EXOC4: variants seen among roughly 807,000 people sequenced by gnomAD.
EXOC4 encodes the protein exocyst complex component 4.
A neutral mutation model predicts 107.2 loss-of-function variants in EXOC4; 71 were observed. The ratio of observed to expected loss-of-function variants is 0.66; its 90% CI spans 0.55 to 0.81. The LOEUF (loss-of-function observed/expected upper bound fraction) is 0.81, where lower values mean the gene tolerates loss of function less well. Among genes scored for constraint, EXOC4 ranks in the 30% least tolerant of loss-of-function variants. The pLI is 0.00. For synonymous variants in EXOC4, 456 were observed against 441.2 expected (o/e 1.03, Z -0.42); for missense variants, 1,108 against 1,189.6 (o/e 0.93, Z 1.01).
chr7:134,068,469 C>T (rs998209499), downstream of EXOC4, among the ~76,000 whole-genome samples: 4 of 152,162 alleles, frequency 2.6e-5, no homozygotes, highest in East Asian at 1.9e-4. Context: ...CTTCACCTTT[C>T]GCCATGATTG....
chr7:133,475,936 T>C (rs370847302), intron 8 of EXOC4, among the ~76,000 whole-genome samples: 2 of 152,158 alleles, frequency 1.3e-5, no homozygotes, highest in African/African-American at 2.4e-5. Flanking sequence ...TATCTAATTA[T>C]AACCTTAGTT....
intron 10 of EXOC4, among the ~76,000 whole-genome samples, chr7:133,713,443 A>G (rs1439440252): frequency 6.6e-6 from 1 of 152,170 alleles, no homozygotes; most frequent in Non-Finnish European, 1.5e-5. Context: ...TTGCTGTGCT[A>G]TAGGCATTAT....
chr7:133,575,355 C>T (rs980171556), intron 9 of EXOC4, among the ~76,000 whole-genome samples: 5 of 152,128 alleles, frequency 3.3e-5, no homozygotes, highest in African/African-American at 1.2e-4. Flanking sequence ...AGGCATAATC[C>T]ATCAAAAAGT....
At chr7:133,914,635 TAAA>T (rs61237053) in intron 12 of EXOC4, among the ~76,000 whole-genome samples, 64,767 of 149,428 alleles carry the variant, frequency 0.43, 14,375 homozygotes, top group South Asian at 0.62. Context: ...AAATAAAAAA[TAAA>T]AAAAAAGGAA....
intron 8 of EXOC4, among the ~76,000 whole-genome samples, chr7:133,477,904 C>T (rs1799057465): frequency 6.6e-6 from 1 of 152,182 alleles, no homozygotes; most frequent in Non-Finnish European, 1.5e-5. Context: ...AAGCAGATCT[C>T]AGTGGTTGTC....
chr7:133,388,424 C>A lies in EXOC4; in HGVS notation c.1182+13422C>A, dbSNP rs571161395. Among the ~76,000 whole-genome samples, 49 of 152,098 alleles carry A rather than the reference C, an allele frequency of 3.2e-4. 3 individuals carry two copies. Among genetic ancestry groups the A allele is most frequent in the African/African-American group, 1.2e-3 (49 of 41,508 alleles). On this transcript the variant is annotated intron_variant, in intron 7 of 17. Transcript: ENST00000253861. Reference sequence around the variant, plus strand: ...CAGCACTTTGGGAGGCCGGGGTGGGCAGATCACTTGAGGTCAGGAGTTCGA... The same window carrying A: ...CAGCACTTTGGGAGGCCGGGGTGGGAAGATCACTTGAGGTCAGGAGTTCGA...
At chr7:133,443,251 G>A (rs1422736375) in intron 7 of EXOC4, among the ~76,000 whole-genome samples, 1 of 152,090 alleles carries the variant, frequency 6.6e-6, no homozygotes, top group African/African-American at 2.4e-5. Context: ...ACACAGAAAT[G>A]TCCTTTTCAA....
chr7:133,987,401 G>C (rs2116211780), intron 14 of EXOC4, among the ~76,000 whole-genome samples: 1 of 151,574 alleles, frequency 6.6e-6, no homozygotes. Flanking sequence ...AAGAAAAAGA[G>C]AGAGAAAGAA....
intron 5 of EXOC4, among the ~76,000 whole-genome samples, chr7:133,349,748 G>C (rs1795866267): frequency 6.6e-6 from 1 of 151,944 alleles, no homozygotes; most frequent in Admixed American, 6.6e-5. Flanking sequence ...CGCAATATGG[G>C]TTTTCATAGT....
At chr7:133,471,050 A>G (rs1798863185) in intron 7 of EXOC4, among the ~76,000 whole-genome samples, 2 of 152,200 alleles carry the variant, frequency 1.3e-5, no homozygotes, top group Admixed American at 1.3e-4. Flanking sequence ...TGTGTAGTAG[A>G]AGATTTAGCC....
At chr7:133,385,114 T>C (rs1315822410) in intron 7 of EXOC4, among the ~76,000 whole-genome samples, 4 of 152,198 alleles carry the variant, frequency 2.6e-5, no homozygotes, top group Non-Finnish European at 5.9e-5. Flanking sequence ...CATACATGAT[T>C]GCTAGCTTTA....
intron 7 of EXOC4, among the ~76,000 whole-genome samples, chr7:133,455,370 C>G (rs1405137047): frequency 1.3e-5 from 2 of 152,046 alleles, no homozygotes; most frequent in African/African-American, 4.8e-5. Flanking sequence ...CCGTGGAAAG[C>G]AAAACCATGG....
chr7:133,389,895 C>CA (rs34692720), intron 7 of EXOC4, among the ~76,000 whole-genome samples: 80,908 of 129,450 alleles, frequency 0.63, 24,373 homozygotes, highest in East Asian at 0.76. Flanking sequence ...GGCAGCAGGC[C>CA]AAAAAAAAAA....
At chr7:134,033,331 G>A (rs144906458) in intron 17 of EXOC4, among the ~76,000 whole-genome samples, 2 of 152,156 alleles carry the variant, frequency 1.3e-5, no homozygotes, top group East Asian at 1.9e-4. Context: ...AGCCATCCTA[G>A]GAAATATTTA....
At chr7:133,631,603 C>G (rs1342664036) in intron 10 of EXOC4, among the ~76,000 whole-genome samples, 1 of 151,904 alleles carries the variant, frequency 6.6e-6, no homozygotes, top group African/African-American at 2.4e-5. Flanking sequence ...AGATTTGTAG[C>G]AGGTAAATTC....
chr7:133,685,151 CAAT>C (rs1162589279), intron 10 of EXOC4, among the ~76,000 whole-genome samples: 2 of 152,078 alleles, frequency 1.3e-5, no homozygotes, highest in African/African-American at 4.8e-5. Context: ...TCAGCAGAAA[CAAT>C]AAGCAGTTGG....
chr7:133,917,871 T>G, intron 13 of EXOC4, 133 bp downstream of exon 13: 1 of 848,352 alleles, frequency 1.2e-6, no homozygotes, highest in Non-Finnish European at 1.8e-6. Flanking sequence ...TAAAATATGT[T>G]TTCCTCCTGT....
chr7:134,028,567 G>T (rs934980906), intron 17 of EXOC4, among the ~76,000 whole-genome samples: 1 of 152,194 alleles, frequency 6.6e-6, no homozygotes, highest in African/African-American at 2.4e-5. Context: ...CTAGGTAGCC[G>T]CAGTGTGGAG....
chr7:134,012,684 A>AT (rs1794799288), intron 17 of EXOC4, among the ~76,000 whole-genome samples: 1 of 152,148 alleles, frequency 6.6e-6, no homozygotes, highest in African/African-American at 2.4e-5. Flanking sequence ...TATAGGTGGG[A>AT]TTTAAAGTCA....
Sources: gnomAD v4.1 joint callset for allele counts (sites outside exome capture counted in the v4.1 genomes callset) on GRCh38, gnomAD v4.1.1 for gene constraint, MANE v1.5 for transcripts, NCBI Gene and HGNC (gene_info 2026-07-23, HGNC 2026-07-21) for gene names.